Variants in PBK observed in about 807,000 individuals in gnomAD.
PBK encodes the protein lymphokine-activated killer T-cell-originated protein kinase.
A neutral mutation model predicts 33.5 loss-of-function variants in PBK; 22 were observed. The ratio of observed to expected loss-of-function variants is 0.66; its 90% CI spans 0.47 to 0.94. The LOEUF (loss-of-function observed/expected upper bound fraction) is 0.94. Among genes scored for constraint, PBK ranks in the 40% least tolerant of loss-of-function variants. PBK has a pLI of 0.00. For synonymous variants in PBK, 129 were observed against 123.8 expected (o/e 1.04, Z -0.28); for missense variants, 376 against 383.4 (o/e 0.98, Z 0.16).
intron 4 of PBK, among the ~76,000 whole-genome samples, chr8:27,822,833 G>C (rs927568146): frequency 2.0e-5 from 3 of 151,974 alleles, no homozygotes; most frequent in Non-Finnish European, 4.4e-5. Flanking sequence ...AATCTTCATA[G>C]AACTAGCAAC....
At chr8:27,818,461 C>T (rs1805858972) in intron 6 of PBK, among the ~76,000 whole-genome samples, 2 of 152,156 alleles carry the variant, frequency 1.3e-5, no homozygotes, top group Non-Finnish European at 2.9e-5. Flanking sequence ...AATGGAGAAA[C>T]GTTTAACAGA....
At chr8:27,829,874 A>C (rs903314924) in intron 2 of PBK, among the ~76,000 whole-genome samples, 3 of 150,550 alleles carry the variant, frequency 2.0e-5, no homozygotes, top group African/African-American at 7.4e-5. Context: ...ATCTCAAAAA[A>C]TTAAAAAATC....
chr8:27,811,319 A>G (rs966266675), intron 6 of PBK, 185 bp from the exon 7 acceptor site: 7 of 613,966 alleles, frequency 1.1e-5, no homozygotes, highest in African/African-American at 9.2e-5. Context: ...GTAAATATTC[A>G]AGAAGCTGGT....
intron 2 of PBK, among the ~76,000 whole-genome samples, chr8:27,829,848 CAG>C: frequency 6.6e-6 from 1 of 151,110 alleles, no homozygotes; most frequent in Non-Finnish European, 1.5e-5. Flanking sequence ...GCCTGGGCGA[CAG>C]GGCACAAGAC....
chr8:27,820,751 G>A (rs751603280), intron 5 of PBK, 57 bp from the exon 6 acceptor site: 128 of 924,080 alleles, frequency 1.4e-4, no homozygotes, highest in Non-Finnish European at 2.0e-4. Context: ...ATAAAAAAAT[G>A]TGATAACCTC....
At chr8:27,836,861 A>G (rs1462989736) in intron 1 of PBK, among the ~76,000 whole-genome samples, 1 of 152,180 alleles carries the variant, frequency 6.6e-6, no homozygotes, top group Admixed American at 6.5e-5. Context: ...TCAATGTACC[A>G]TGTCCTATCC....
At chr8:27,835,208 T>A (rs1806205796) in intron 1 of PBK, among the ~76,000 whole-genome samples, 1 of 152,110 alleles carries the variant, frequency 6.6e-6, no homozygotes, top group Non-Finnish European at 1.5e-5. Flanking sequence ...AGGCCCAGCT[T>A]TAACTATTAA....
At position 27,823,177 on chromosome 8, in the gene PBK, A is replaced by G. The variant is rs1805963393; in HGVS notation, c.181T>C (p.Trp61Arg). 6.4e-7 allele frequency: 1 copy of G among 1,553,852 alleles called. No individual in the cohort carries two copies. The highest frequency in any genetic ancestry group is 2.3e-5 in the East Asian group (1 of 43,672). Residue 61 changes from tryptophan (W) to arginine (R), a missense_variant, in exon 4 of 8, where the codon TGG becomes CGG. Physicochemically the swap from Trp to Arg is moderately radical, Grantham distance 101. Transcript: ENST00000301905. ...RSPRGLSHSP[W>R]AVKKINPICN... is the part of the protein sequence containing the mutation. ...ATAGGATTAATCTTTTTTACAGCCC[A>G]AGGAGAATGAGACAAACCTCTTGGA...
intron 5 of PBK, 77 bp downstream of exon 5, chr8:27,822,242 G>T: frequency 1.9e-6 from 2 of 1,077,628 alleles, no homozygotes; most frequent in Non-Finnish European, 2.7e-6. Context: ...ATTCAAAGAT[G>T]TCCTGCAAAG....
At chr8:27,832,311 A>G (rs1019204146) in intron 2 of PBK, among the ~76,000 whole-genome samples, 12 of 152,196 alleles carry the variant, frequency 7.9e-5, no homozygotes, top group African/African-American at 2.9e-4. Flanking sequence ...AATAAAGGGT[A>G]TTTGTGAAAA....
At chr8:27,827,506 C>G (rs1442867523) in intron 3 of PBK, among the ~76,000 whole-genome samples, 1 of 152,154 alleles carries the variant, frequency 6.6e-6, no homozygotes, top group Non-Finnish European at 1.5e-5. Flanking sequence ...GCCTGGTCAA[C>G]AGAGTGAGAC....
At chr8:27,822,288 G>GC in intron 5 of PBK, 31 bp downstream of exon 5, 1 of 1,430,288 alleles carries the variant, frequency 7.0e-7, no homozygotes, top group South Asian at 1.2e-5. Flanking sequence ...AACAAAAACA[G>GC]AAGTCATTTA....
intron 1 of PBK, 140 bp from the exon 2 acceptor site, chr8:27,833,273 C>T: frequency 5.3e-6 from 2 of 376,050 alleles, no homozygotes; most frequent in Non-Finnish European, 4.3e-6. Flanking sequence ...GGGTGGATCA[C>T]CTGAGGTCGG....
intron 6 of PBK, chr8:27,811,368 A>C: frequency 1.7e-6 from 1 of 588,700 alleles, no homozygotes; most frequent in East Asian, 2.8e-5. Flanking sequence ...ATTCTCTTAC[A>C]AATTAGTAGG....
rs570089943 is a variant in PBK, at chr8:27,809,717, T to C, written c.*588A>G. 4.6e-5 allele frequency: 7 copies of C among 152,244 alleles called. No homozygotes were observed. Among genetic ancestry groups the C allele is most frequent in the African/African-American group, 1.7e-4 (7 of 41,526 alleles). The allele number at this position is 152,244 out of a possible 1,614,324, so 9.4% of individuals were successfully genotyped here. ...ATGCTTAAGGTACAAATTAATAAAT[T>C]TTAAACTCAGTATGGAAAATACATT... On this transcript the variant is annotated 3_prime_UTR_variant, in exon 8 of 8. Coordinates refer to ENST00000301905, the MANE Select transcript of PBK (RefSeq NM_018492.4).
At chr8:27,828,974 C>A (rs1806078751) in intron 2 of PBK, among the ~76,000 whole-genome samples, 1 of 152,140 alleles carries the variant, frequency 6.6e-6, no homozygotes, top group Non-Finnish European at 1.5e-5. Flanking sequence ...ACTGCCCTAA[C>A]TTACTGCTTG....
chr8:27,825,488 C>A (rs1462023478), intron 3 of PBK, among the ~76,000 whole-genome samples: 2 of 152,136 alleles, frequency 1.3e-5, no homozygotes, highest in Non-Finnish European at 2.9e-5. Context: ...CTCCTTAATT[C>A]TGTACCAACT....
At chr8:27,817,495 T>TCC (rs1325025295) in intron 6 of PBK, among the ~76,000 whole-genome samples, 1 of 152,120 alleles carries the variant, frequency 6.6e-6, no homozygotes, top group African/African-American at 2.4e-5. Flanking sequence ...TTTATTAGGA[T>TCC]TATTAACTGT....
chr8:27,830,027 A>C (rs950568189), intron 2 of PBK, among the ~76,000 whole-genome samples: 1 of 150,570 alleles, frequency 6.6e-6, no homozygotes, highest in Non-Finnish European at 1.5e-5. Context: ...ACATGGCGAA[A>C]CCCTGTCTCT....
Sources: gnomAD v4.1 joint callset for allele counts (sites outside exome capture counted in the v4.1 genomes callset) on GRCh38, gnomAD v4.1.1 for gene constraint, MANE v1.5 for transcripts, NCBI Gene and HGNC (gene_info 2026-07-23, HGNC 2026-07-21) for gene names.